PTCD3: variants seen among roughly 807,000 people sequenced by gnomAD.
PTCD3 encodes the protein small ribosomal subunit protein mS39.
In PTCD3, 89 loss-of-function variants were observed where a neutral mutation model predicts 101.9. That is an observed-to-expected ratio of 0.87 (90% CI 0.74 to 1.04). PTCD3 has a LOEUF of 1.04. Ranked by LOEUF, PTCD3 falls within the 50% of genes least tolerant of loss-of-function variation. PTCD3 has a pLI of 0.00. For missense variants in PTCD3, 870 were observed against 828.2 expected (o/e 1.05, Z -0.62); for synonymous variants, 296 against 278.5 (o/e 1.06, Z -0.63).
rs778632544 is a variant in PTCD3 at position 86,133,191 on chromosome 2, G to A, written c.1387G>A (p.Asp463Asn). The change falls in exon 18 of 24, where the codon GAT becomes AAT. Residue 463 changes from aspartate (D) to asparagine (N), a missense_variant. Asp to Asn is a conservative substitution (Grantham distance 23). Coordinates refer to ENST00000254630, the MANE Select transcript of PTCD3 (RefSeq NM_017952.6). The stretch of plus-strand genomic sequence containing the variant: ...CCTTCATCACAGTTCCAAGTTCTTC[G>A]ATTTGATTTGTCTAATGGAACAAAT... ...HRNFYYSKFF[D>N]LICLMEQIDV... 9.9e-6 allele frequency: 16 copies of A among 1,613,772 alleles called. No individual in the cohort carries two copies. The highest frequency in any genetic ancestry group is 1.7e-4 in the Middle Eastern group (1 of 6,056).
chr2:86,125,422 G>T lies in PTCD3; in HGVS notation c.805-33G>T, dbSNP rs191206496. 2.2e-5 allele frequency: 35 copies of T among 1,591,048 alleles called. No homozygotes were observed. In the Admixed American group the frequency reaches 3.0e-4, roughly 14 times the overall value. ...ATGTGCAAGGACTTCTTAAGTAAAT[G>T]AATTTGATGATGCTTAATTTTTCCT... On this transcript the variant is annotated intron_variant, in intron 10 of 23. Coordinates refer to ENST00000254630, the MANE Select transcript of PTCD3 (RefSeq NM_017952.6).
chr2:86,133,203 C>T lies in PTCD3; in HGVS notation c.1399C>T (p.Leu467=). ...YYSKFFDLIC[L]MEQIDVTLKW... ...TTCCAAGTTCTTCGATTTGATTTGT[C>T]TAATGGAACAAATTGATGTTACCTT... Residue 467 remains leucine, a synonymous_variant, in exon 18 of 24, where the codon CTA becomes TTA. Coordinates refer to ENST00000254630, the MANE Select transcript of PTCD3 (RefSeq NM_017952.6). 1 of 1,614,034 alleles carries T rather than the reference C, an allele frequency of 6.2e-7. No individual in the cohort carries two copies. Among genetic ancestry groups the T allele is most frequent in the Non-Finnish European group, 8.5e-7 (1 of 1,179,984 alleles).
intron 19 of PTCD3, 108 bp from the exon 20 acceptor site, chr2:86,134,184 T>C (rs1674539125): frequency 1.3e-6 from 1 of 779,388 alleles, no homozygotes; most frequent in Non-Finnish European, 2.1e-6. Context: ...AAGCCTAGAA[T>C]AAATAACAGC....
intron 14 of PTCD3, among the ~76,000 whole-genome samples, chr2:86,128,243 C>T (rs1350199930): frequency 1.3e-5 from 2 of 151,838 alleles, no homozygotes; most frequent in Non-Finnish European, 2.9e-5. Context: ...TTACAGATGC[C>T]CACCAGCATG....
chr2:86,126,713 T>G (rs1267201109), intron 12 of PTCD3, among the ~76,000 whole-genome samples: 1 of 151,922 alleles, frequency 6.6e-6, no homozygotes, highest in Non-Finnish European at 1.5e-5. Context: ...GGTGCTCGCC[T>G]GTAGTCGCAG....
intron 3 of PTCD3, among the ~76,000 whole-genome samples, chr2:86,109,424 T>A (rs898782272): frequency 1.3e-5 from 2 of 151,640 alleles, no homozygotes; most frequent in African/African-American, 2.4e-5. Flanking sequence ...AAAAAAGACT[T>A]GGGTTCATTT....
chr2:86,125,422 G>A (rs191206496), intron 10 of PTCD3, 33 bp from the exon 11 acceptor site: 3 of 1,591,048 alleles, frequency 1.9e-6, no homozygotes, highest in South Asian at 1.1e-5. Flanking sequence ...TTAAGTAAAT[G>A]AATTTGATGA....
intron 4 of PTCD3, 21 bp downstream of exon 4, chr2:86,111,179 T>C (rs1388035749): frequency 6.2e-7 from 1 of 1,603,338 alleles, no homozygotes; most frequent in Admixed American, 1.7e-5. Flanking sequence ...TTTTGTGTTT[T>C]TTTTTAACCT....
At chr2:86,112,689 A>AG in intron 4 of PTCD3, among the ~76,000 whole-genome samples, 1 of 151,746 alleles carries the variant, frequency 6.6e-6, no homozygotes, top group African/African-American at 2.4e-5. Flanking sequence ...CTCAAAAAAA[A>AG]AAAAAAAAAA....
At chr2:86,124,953 A>G in intron 9 of PTCD3, 42 bp from the exon 10 acceptor site, 1 of 1,607,354 alleles carries the variant, frequency 6.2e-7, no homozygotes, top group Non-Finnish European at 8.5e-7. Flanking sequence ...TCTCATTGGT[A>G]TTTCTTATTG....
At chr2:86,110,048 T>A (rs1274184919) in intron 3 of PTCD3, among the ~76,000 whole-genome samples, 1 of 152,236 alleles carries the variant, frequency 6.6e-6, no homozygotes, top group Non-Finnish European at 1.5e-5. Context: ...TTTATTTTTT[T>A]AAGATAATGT....
chr2:86,114,673 T>G (rs1674148884), intron 4 of PTCD3, among the ~76,000 whole-genome samples: 1 of 152,246 alleles, frequency 6.6e-6, no homozygotes, highest in African/African-American at 2.4e-5. Context: ...GGCAACTCCA[T>G]TCTTATAGCT....
chr2:86,122,656 T>C (rs1347854153), intron 8 of PTCD3, among the ~76,000 whole-genome samples: 1 of 152,194 alleles, frequency 6.6e-6, no homozygotes, highest in Non-Finnish European at 1.5e-5. Flanking sequence ...ACTCTGGGGC[T>C]CAGGTGATCC....
In PTCD3 at chr2:86,125,527, A is replaced by G; in HGVS notation, c.865+12A>G. The G allele has an allele frequency of 6.3e-7, 1 of 1,594,062 alleles. No individual in the cohort carries two copies. Among genetic ancestry groups the G allele is most frequent in the Non-Finnish European group, 8.6e-7 (1 of 1,161,814 alleles). On this transcript the variant is annotated intron_variant, in intron 11 of 23. Transcript: ENST00000254630. ...CAACAGACTCCATGGTGAGTTTGAG[A>G]ACTCCCCTCTGTCCCTTTCTCCATT...
intron 15 of PTCD3, 115 bp downstream of exon 15, chr2:86,130,852 T>C (rs544927289): frequency 1.5e-6 from 2 of 1,314,090 alleles, no homozygotes; most frequent in Non-Finnish European, 2.0e-6. Flanking sequence ...TTTTTTTTTT[T>C]AAATAAATTT....
chr2:86,119,267 A>G lies in PTCD3; in HGVS notation c.538+223A>G, dbSNP rs544037417. On this transcript the variant is annotated intron_variant, in intron 7 of 23. Transcript: ENST00000254630. ...TGCAGCTTTGTTGGTTTATTGTAGCACTGGTAGAGAAATTGTATCACCCTT... is the reference window on the plus strand; with the variant it reads ...TGCAGCTTTGTTGGTTTATTGTAGCGCTGGTAGAGAAATTGTATCACCCTT... 186 of 557,690 alleles carry G rather than the reference A, an allele frequency of 3.3e-4. 3 individuals are homozygous for G. The South Asian group carries it at 4.5e-3, about 14-fold the overall frequency. 34.5% of individuals were successfully genotyped at this position (557,690 alleles called of 1,614,324 possible).
chr2:86,126,229 CA>C (rs71377064), intron 12 of PTCD3, among the ~76,000 whole-genome samples: 23 of 59,122 alleles, frequency 3.9e-4, no homozygotes, highest in South Asian at 6.6e-4. Context: ...GACTCCGTCT[CA>C]AAAAAAAAAA....
intron 6 of PTCD3, 62 bp from the exon 7 acceptor site, chr2:86,118,859 C>G: frequency 1.3e-6 from 2 of 1,548,280 alleles, no homozygotes; most frequent in South Asian, 1.2e-5. Flanking sequence ...TTTTGTCCTA[C>G]TCAGTTATCC....
intron 12 of PTCD3, among the ~76,000 whole-genome samples, chr2:86,126,182 A>G (rs1363863283): frequency 6.7e-6 from 1 of 150,088 alleles, no homozygotes; most frequent in Non-Finnish European, 1.5e-5. Flanking sequence ...GTGAGCAGAG[A>G]TCGCACCACT....
Sources: allele counts gnomAD v4.1 joint callset (sites outside exome capture counted in the v4.1 genomes callset), GRCh38; gene constraint gnomAD v4.1.1; transcripts MANE v1.5; gene names NCBI Gene and HGNC (gene_info 2026-07-23, HGNC 2026-07-21).